Variants in OR4P4 observed in about 807,000 individuals in gnomAD.
OR4P4 encodes the protein olfactory receptor family 4 subfamily P member 4, also known as olfactory receptor 4P4.
A neutral mutation model predicts 2.1 loss-of-function variants in OR4P4; 1 was observed. That is an observed-to-expected ratio of 0.47 (90% confidence interval 0.17 to 2.21). The LOEUF is 2.21. Ranked by LOEUF, OR4P4 falls within the 30% of genes most tolerant of loss-of-function variation. The pLI, the probability that OR4P4 is intolerant of heterozygous loss-of-function variation, is 0.27. For missense variants in OR4P4, 375 were observed against 376.5 expected, an observed-to-expected ratio of 1.00 and a Z score of 0.03; for synonymous variants, 129 against 133.2, an observed-to-expected ratio of 0.97 and a Z score of 0.22.
chr11:55,638,272 A>G lies in OR4P4; in HGVS notation c.-30-56A>G, dbSNP rs1858411254. The G allele has an allele frequency of 1.1e-5, 7 of 659,852 alleles. No individual in the cohort carries two copies. The South Asian group carries it at 1.8e-4, about 17-fold the overall frequency. The allele number at this position is 659,852 out of a possible 1,614,324, so 40.9% of individuals were successfully genotyped here. A position where few individuals can be genotyped will look rare whatever the true frequency, so the allele number is the denominator to read the frequency against. On this transcript the variant is annotated intron_variant, in intron 1 of 1. Transcript: ENST00000641760. ...ATCTAGCTAGTTCCTCAAATAAAAT[A>G]TGATCATTGTACTTCTTAACAAAGA...
In OR4P4 at chr11:55,638,966, A is replaced by C. The variant is rs1164631774; in HGVS notation, c.609A>C (p.Leu203Phe). 2 of 1,486,414 alleles carry C rather than the reference A, an allele frequency of 1.3e-6. 1 individual carries two copies. Among genetic ancestry groups the C allele is most frequent in the Middle Eastern group, 3.8e-4 (2 of 5,252 alleles). The allele number at this position is 1,486,414 out of a possible 1,614,324, so 92.1% of individuals were successfully genotyped here. Residue 203 changes from leucine to phenylalanine, a missense_variant, in exon 2 of 2, where the codon TTA (leucine) becomes TTC (phenylalanine). Physicochemically the swap from Leu to Phe is conservative, Grantham distance 22 (BLOSUM62 0). Transcript: ENST00000641760. Reference sequence around the variant, plus strand: ...TCTTAGTCATTGCTAATTCAGGCTTAATTGCTTTGGTGACATTTGTTGTCT... The same window carrying C: ...TCTTAGTCATTGCTAATTCAGGCTTCATTGCTTTGGTGACATTTGTTGTCT...
chr11:55,638,230 T>G, intron 1 of OR4P4, 98 bp from the exon 2 acceptor site: 1 of 543,622 alleles, frequency 1.8e-6, no homozygotes, highest in Non-Finnish European at 3.2e-6. Flanking sequence ...CTGAACCACT[T>G]GAATGAGGTA....
At position 55,638,681 on chromosome 11, in the gene OR4P4, A is replaced by G. The variant is rs139938503; in HGVS notation, c.324A>G (p.Ile108Met). Residue 108 changes from isoleucine to methionine, a missense_variant, in exon 2 of 2, where the codon ATA becomes ATG. Coordinates refer to ENST00000641760, the Ensembl canonical transcript of OR4P4. Reference sequence around the variant, plus strand: ...TTACCACCCATTTTTTTGGAGGCATAGAGATCTTCATTCTCACAGGGATGG... The same window carrying G: ...TTACCACCCATTTTTTTGGAGGCATGGAGATCTTCATTCTCACAGGGATGG... 1.2e-4 allele frequency: 175 copies of G among 1,491,664 alleles called. 27 individuals are homozygous for G. In the African/African-American group the frequency reaches 1.9e-3, roughly 16 times the overall value. The allele number at this position is 1,491,664 out of a possible 1,614,324, so 92.4% of individuals were successfully genotyped here.
rs775881168 is a variant in OR4P4 at position 55,639,284 on chromosome 11, T to A, written c.927T>A (p.Asn309Lys). The change falls in exon 2 of 2, where the codon AAT (asparagine) becomes AAA (lysine). Residue 309 changes from asparagine (N) to lysine (K), a missense_variant. By Grantham distance (94) the Asn-to-Lys change is moderately conservative. Coordinates refer to ENST00000641760, the Ensembl canonical transcript of OR4P4. ...GTTGTCAAATACTCCTGAAAAGAAATCAACTTTTCTGAATTGTTTCTGCTT... is the reference window on the plus strand; with the variant it reads ...GTTGTCAAATACTCCTGAAAAGAAAACAACTTTTCTGAATTGTTTCTGCTT... 8 of 1,420,634 alleles carry A rather than the reference T, an allele frequency of 5.6e-6. 1 individual carries two copies. The highest frequency in any genetic ancestry group is 7.6e-6 in the Non-Finnish European group (8 of 1,049,410). The allele number at this position is 1,420,634 out of a possible 1,614,324, so 88.0% of individuals were successfully genotyped here.
exon 2 of OR4P4, chr11:55,640,141 AATAATAATAATG>A (rs1858440430): frequency 7.5e-6 from 1 of 133,666 alleles, no homozygotes; most frequent in Admixed American, 8.3e-5. Flanking sequence ...CTGAAATAAT[AATAATAATAATG>A]ATAATAATAA....
At chr11:55,635,939 A>G (rs1858383901) in intron 1 of OR4P4, among the ~76,000 whole-genome samples, 1 of 137,484 alleles carries the variant, frequency 7.3e-6, no homozygotes, top group South Asian at 2.4e-4. Context: ...AAATAAGATA[A>G]ATGTCAACAG....
At chr11:55,637,412 AT>A (rs1858401224) in intron 1 of OR4P4, among the ~76,000 whole-genome samples, 1 of 138,312 alleles carries the variant, frequency 7.2e-6, no homozygotes, top group African/African-American at 2.5e-5. Context: ...TGCCTTTCTT[AT>A]TTATTGGCAA....
At chr11:55,638,255 A>T in intron 1 of OR4P4, 73 bp from the exon 2 acceptor site, 1 of 603,732 alleles carries the variant, frequency 1.7e-6, no homozygotes, top group Non-Finnish European at 2.8e-6. Context: ...AAATCTAGCT[A>T]GTTCCTCAAA....
chr11:55,636,288 T>G (rs1259376442), intron 1 of OR4P4, among the ~76,000 whole-genome samples: 4 of 137,926 alleles, frequency 2.9e-5, no homozygotes, highest in African/African-American at 1.0e-4. Flanking sequence ...CCTGCAGAAA[T>G]ATGTGAGCTG....
Position 55,639,021 on chromosome 11 carries a change from A to G in OR4P4, c.664A>G (p.Thr222Ala), listed in dbSNP as rs2120184215. 1.3e-6 allele frequency: 2 copies of G among 1,492,310 alleles called. 1 individual carries two copies. The allele number at this position is 1,492,310 out of a possible 1,614,324, so 92.4% of individuals were successfully genotyped here. A position where few individuals can be genotyped will look rare whatever the true frequency, so the allele number is the denominator to read the frequency against. ...GTTGTCTTATGTTTTTATATTGTAT[A>G]CCATCAGAGCATACTCTGCAGAGAG... Residue 222 changes from threonine to alanine, a missense_variant, in exon 2 of 2, where the codon ACC becomes GCC. Thr to Ala is a moderately conservative substitution (Grantham distance 58, BLOSUM62 0). Transcript: ENST00000641760.
At position 55,639,268 on chromosome 11, in the gene OR4P4, T is replaced by C. The variant is rs1440845453; in HGVS notation, c.911T>C (p.Ile304Thr). The C allele has an allele frequency of 1.4e-6, 2 of 1,462,094 alleles. 1 individual carries two copies. The highest frequency in any genetic ancestry group is 1.9e-6 in the Non-Finnish European group (2 of 1,079,618). 90.6% of individuals were successfully genotyped at this position (1,462,094 alleles called of 1,614,324 possible). A position where few individuals can be genotyped will look rare whatever the true frequency, so the allele number is the denominator to read the frequency against. The stretch of plus-strand genomic sequence containing the variant: ...ATGAGGAAAGTGTGGTGTTGTCAAA[T>C]ACTCCTGAAAAGAAATCAACTTTTC... The change falls in exon 2 of 2, where the codon ATA becomes ACA. Residue 304 changes from isoleucine (I) to threonine (T), a missense_variant. Physicochemically the swap from Ile to Thr is moderately conservative, Grantham distance 89. Transcript: ENST00000641760.
chr11:55,636,444 G>A (rs765293492), intron 1 of OR4P4, among the ~76,000 whole-genome samples: 1 of 137,802 alleles, frequency 7.3e-6, no homozygotes, highest in South Asian at 2.3e-4. Flanking sequence ...AAAATGGAGC[G>A]ATGACTGAAA....
chr11:55,639,180 A>G (rs1228463604), exon 2 of OR4P4: 3 of 1,488,768 alleles, frequency 2.0e-6, no homozygotes, highest in Non-Finnish European at 2.7e-6. Context: ...TTTTTATACC[A>G]TCATTGCTCC....
At position 55,638,316 on chromosome 11, in the gene OR4P4, A is replaced by G. The variant is rs778525451; in HGVS notation, c.-30-12A>G. 37 of 877,742 alleles carry G rather than the reference A, an allele frequency of 4.2e-5. 7 individuals are homozygous for G. Among genetic ancestry groups the G allele is most frequent in the Middle Eastern group, 3.0e-4 (1 of 3,370 alleles). The allele number at this position is 877,742 out of a possible 1,614,324, so 54.4% of individuals were successfully genotyped here. A position where few individuals can be genotyped will look rare whatever the true frequency, so the allele number is the denominator to read the frequency against. On this transcript the variant is annotated splice_polypyrimidine_tract_variant and intron_variant, in intron 1 of 1. Transcript: ENST00000641760. ...ACAAAGACTTGTAAGCTTATAAATT[A>G]TGTCATTTCAGGTGACTTATATGTT...
intron 1 of OR4P4, 36 bp from the exon 2 acceptor site, chr11:55,638,289 TAAC>T: frequency 1.3e-6 from 1 of 759,300 alleles, no homozygotes; most frequent in Non-Finnish European, 2.0e-6. Flanking sequence ...TTGTACTTCT[TAAC>T]AAAGACTTGT....
chr11:55,638,901 T>C (rs763838780), exon 2 of OR4P4: 1 of 1,492,812 alleles, frequency 6.7e-7, no homozygotes, highest in Non-Finnish European at 9.1e-7. Context: ...TGTGTATCCT[T>C]TGCTGAAATT....
At chr11:55,639,850 T>C (rs1858437512) in exon 2 of OR4P4, 1 of 137,726 alleles carries the variant, frequency 7.3e-6, no homozygotes, top group South Asian at 2.4e-4. Context: ...AATAAATAGT[T>C]TTCGGCTGGG....
intron 1 of OR4P4, among the ~76,000 whole-genome samples, chr11:55,636,239 T>C (rs1302801022): frequency 7.3e-6 from 1 of 137,752 alleles, no homozygotes; most frequent in East Asian, 2.4e-4. Context: ...AAATGCAGTA[T>C]TGCTATTCAT....
exon 2 of OR4P4, chr11:55,639,425 C>T (rs1858433262): frequency 1.8e-6 from 1 of 547,428 alleles, no homozygotes; most frequent in African/African-American, 1.9e-5. Context: ...TGGTTTTATA[C>T]TTCTACATTG....
Sources: allele counts gnomAD v4.1 joint callset (sites outside exome capture counted in the v4.1 genomes callset), GRCh38; gene constraint gnomAD v4.1.1; transcripts MANE v1.5; gene names NCBI Gene and HGNC (gene_info 2026-07-23, HGNC 2026-07-21).